Variants in RERE observed in about 807,000 individuals in gnomAD.
RERE encodes arginine-glutamic acid dipeptide repeats protein.
RERE carries 40 observed loss-of-function variants against 146.1 expected under a neutral mutation model. The ratio of observed to expected loss-of-function variants is 0.27; its 90% CI spans 0.21 to 0.36. The LOEUF (loss-of-function observed/expected upper bound fraction) is 0.36. Among genes scored for constraint, RERE ranks in the 10% least tolerant of loss-of-function variants. The pLI, the probability that RERE is intolerant of heterozygous loss-of-function variation, is 1.00. For missense variants in RERE, 1,933 were observed against 2,138.7 expected (o/e 0.90, Z 1.90); for synonymous variants, 1,003 against 866.0 (o/e 1.16, Z -2.78).
At chr1:8,512,493 A>G (rs957495182) in intron 7 of RERE, among the ~76,000 whole-genome samples, 13 of 151,930 alleles carry the variant, frequency 8.6e-5, no homozygotes, top group African/African-American at 2.2e-4. Context: ...TGTTTCAACA[A>G]TGTCTGAACA....
chr1:8,694,012 A>C (rs976012513), intron 1 of RERE, among the ~76,000 whole-genome samples: 2 of 146,894 alleles, frequency 1.4e-5, no homozygotes, highest in Non-Finnish European at 3.0e-5. Context: ...AAACTGAACA[A>C]CACCAATTTT....
At chr1:8,370,802 A>G (rs1642008696) in intron 12 of RERE, among the ~76,000 whole-genome samples, 2 of 152,270 alleles carry the variant, frequency 1.3e-5, no homozygotes. Context: ...CCCGCTGCAC[A>G]TAAATTCAGG....
At chr1:8,437,377 A>G (rs1644184760) in intron 11 of RERE, among the ~76,000 whole-genome samples, 1 of 152,194 alleles carries the variant, frequency 6.6e-6, no homozygotes, top group African/African-American at 2.4e-5. Context: ...GAAGCATTTC[A>G]ATGACAAAAG....
At chr1:8,790,077 G>A (rs1641336233) in intron 1 of RERE, among the ~76,000 whole-genome samples, 2 of 152,136 alleles carry the variant, frequency 1.3e-5, no homozygotes. Context: ...CATTAAACTT[G>A]GAAAACACAC....
At chr1:8,684,708 C>A (rs1242766114) in intron 1 of RERE, among the ~76,000 whole-genome samples, 1 of 152,174 alleles carries the variant, frequency 6.6e-6, no homozygotes, top group Non-Finnish European at 1.5e-5. Context: ...GCTGTTAACC[C>A]ACCTCTCCCT....
At chr1:8,628,889 A>C (rs1417946507) in intron 2 of RERE, among the ~76,000 whole-genome samples, 1 of 152,178 alleles carries the variant, frequency 6.6e-6, no homozygotes, top group Non-Finnish European at 1.5e-5. Context: ...CAGTAGGATC[A>C]ATGATTCTCA....
intron 1 of RERE, among the ~76,000 whole-genome samples, chr1:8,796,978 C>A (rs1569817785): frequency 6.6e-6 from 1 of 152,072 alleles, no homozygotes; most frequent in African/African-American, 2.4e-5. Context: ...GTGATAGGAC[C>A]TACTACTCTG....
chr1:8,568,070 T>C (rs55999585), intron 4 of RERE, among the ~76,000 whole-genome samples: 1,738 of 152,246 alleles, frequency 0.011, 12 homozygotes, highest in Middle Eastern at 0.034. Flanking sequence ...TGGTAGCCTG[T>C]GTGGGAAGAT....
intron 1 of RERE, among the ~76,000 whole-genome samples, chr1:8,755,244 T>C (rs2124521940): frequency 6.6e-6 from 1 of 152,352 alleles, no homozygotes; most frequent in South Asian, 2.1e-4. Context: ...TAATTTAATA[T>C]GAAGCTAAAT....
chr1:8,759,812 A>G (rs527614876), intron 1 of RERE, among the ~76,000 whole-genome samples: 15 of 150,254 alleles, frequency 1.0e-4, no homozygotes, highest in South Asian at 8.4e-4. Flanking sequence ...CAATATACGT[A>G]TAACTCTAAA....
intron 4 of RERE, among the ~76,000 whole-genome samples, chr1:8,578,881 A>C (rs1027766485): frequency 6.6e-6 from 1 of 152,246 alleles, no homozygotes; most frequent in African/African-American, 2.4e-5. Context: ...AAATAAATAC[A>C]TGTAAAAATT....
At chr1:8,556,864 C>G (rs1319663585) in intron 5 of RERE, among the ~76,000 whole-genome samples, 1 of 152,166 alleles carries the variant, frequency 6.6e-6, no homozygotes, top group East Asian at 1.9e-4. Flanking sequence ...AAACAACTAT[C>G]TTATCCTAGC....
At chr1:8,504,653 A>C (rs1393503561) in intron 8 of RERE, among the ~76,000 whole-genome samples, 6 of 152,158 alleles carry the variant, frequency 3.9e-5, no homozygotes. Flanking sequence ...GAAGTTCGAG[A>C]TCAGCCTGGC....
At chr1:8,525,411 G>C (rs1303977593) in intron 7 of RERE, among the ~76,000 whole-genome samples, 1 of 152,196 alleles carries the variant, frequency 6.6e-6, no homozygotes, top group Non-Finnish European at 1.5e-5. Flanking sequence ...GGGGCGGCCT[G>C]CAGGCTTGCT....
chr1:8,412,923 C>T (rs1161724869), intron 12 of RERE, among the ~76,000 whole-genome samples: 1 of 152,118 alleles, frequency 6.6e-6, no homozygotes, highest in Non-Finnish European at 1.5e-5. Flanking sequence ...TGCCAGATCT[C>T]CGAAGCTTTG....
At chr1:8,492,308 C>A (rs1644989595) in intron 10 of RERE, among the ~76,000 whole-genome samples, 1 of 152,128 alleles carries the variant, frequency 6.6e-6, no homozygotes, top group Admixed American at 6.5e-5. Context: ...CTACAGAATT[C>A]TTAAGAGAGT....
chr1:8,806,148 G>A (rs1003789951), intron 1 of RERE, among the ~76,000 whole-genome samples: 8 of 151,604 alleles, frequency 5.3e-5, no homozygotes, highest in African/African-American at 1.7e-4. Flanking sequence ...CACTGCACCC[G>A]GCCAACAAAC....
chr1:8,517,925 T>C (rs1645442816), intron 7 of RERE, among the ~76,000 whole-genome samples: 1 of 152,186 alleles, frequency 6.6e-6, no homozygotes, highest in Non-Finnish European at 1.5e-5. Context: ...AGAAGCATCT[T>C]TGCAGAGGAG....
intron 1 of RERE, among the ~76,000 whole-genome samples, chr1:8,726,747 T>C (rs1430501645): frequency 2.6e-5 from 4 of 152,244 alleles, no homozygotes; most frequent in Admixed American, 6.5e-5. Context: ...TAATTAATTC[T>C]AATCATAAGA....
Sources: gnomAD v4.1 joint callset for allele counts (sites outside exome capture counted in the v4.1 genomes callset) on GRCh38, gnomAD v4.1.1 for gene constraint, MANE v1.5 for transcripts, NCBI Gene and HGNC (gene_info 2026-07-23, HGNC 2026-07-21) for gene names.